The following LCP1 variants were observed in gnomAD, a reference collection of about 807,000 sequenced individuals.
LCP1 encodes the protein plastin-2.
LCP1 carries 23 observed loss-of-function variants against 72.0 expected under a neutral mutation model. That is an observed-to-expected ratio of 0.32 (90% CI 0.23 to 0.45). The LOEUF is 0.45. Ranked by LOEUF, LCP1 falls within the 20% of genes least tolerant of loss-of-function variation. The pLI, the probability that LCP1 is intolerant of heterozygous loss-of-function variation, is 1.00. For synonymous variants in LCP1, 245 were observed against 275.4 expected (o/e 0.89, Z 1.09); for missense variants, 571 against 748.3 (o/e 0.76, Z 2.76).
chr13:46,176,620 C>A (rs1381009936), intron 1 of LCP1, among the ~76,000 whole-genome samples: 1 of 152,098 alleles, frequency 6.6e-6, no homozygotes, highest in African/African-American at 2.4e-5. Context: ...ACTGAGGAAA[C>A]AAAATGCAGG....
At chr13:46,153,422 C>T (rs867688012) in intron 6 of LCP1, among the ~76,000 whole-genome samples, 4 of 152,274 alleles carry the variant, frequency 2.6e-5, no homozygotes, top group Non-Finnish European at 5.9e-5. Flanking sequence ...AATGAAAAGG[C>T]TGGCACGGTG....
intron 1 of LCP1, among the ~76,000 whole-genome samples, chr13:46,180,297 C>A (rs1034450427): frequency 6.6e-6 from 1 of 152,148 alleles, no homozygotes; most frequent in African/African-American, 2.4e-5. Context: ...ACTACGTGCT[C>A]ATAATTATTG....
intron 13 of LCP1, among the ~76,000 whole-genome samples, chr13:46,136,520 T>C (rs1035467434): frequency 6.6e-6 from 1 of 151,948 alleles, no homozygotes; most frequent in Non-Finnish European, 1.5e-5. Flanking sequence ...AAGAAAGATG[T>C]TTAGTCTGGT....
At chr13:46,177,642 T>A (rs1318298840) in intron 1 of LCP1, among the ~76,000 whole-genome samples, 2 of 152,054 alleles carry the variant, frequency 1.3e-5, no homozygotes, top group African/African-American at 4.8e-5. Flanking sequence ...GAGGTTTCAG[T>A]GAGCCGAGAT....
chr13:46,167,863 A>T (rs376232037), intron 1 of LCP1, among the ~76,000 whole-genome samples: 1 of 152,236 alleles, frequency 6.6e-6, no homozygotes, highest in African/African-American at 2.4e-5. Flanking sequence ...AATGCAGCAC[A>T]TGGATTACAG....
At chr13:46,163,669 A>G (rs1335824901) in intron 1 of LCP1, among the ~76,000 whole-genome samples, 1 of 151,662 alleles carries the variant, frequency 6.6e-6, no homozygotes, top group Non-Finnish European at 1.5e-5. Context: ...GTTATTAAGT[A>G]TATGGACTAT....
intron 15 of LCP1, among the ~76,000 whole-genome samples, chr13:46,128,187 A>G (rs2138210558): frequency 6.6e-6 from 1 of 152,282 alleles, no homozygotes; most frequent in Middle Eastern, 3.4e-3. Flanking sequence ...TGGGCTACAT[A>G]GCAGCATAGC....
intron 1 of LCP1, among the ~76,000 whole-genome samples, chr13:46,178,180 T>C (rs1427284705): frequency 6.6e-6 from 1 of 152,198 alleles, no homozygotes; most frequent in African/African-American, 2.4e-5. Flanking sequence ...GACAACTAAA[T>C]GCTTTCATAG....
chr13:46,154,714 G>A, intron 6 of LCP1, 91 bp downstream of exon 6: 4 of 1,029,878 alleles, frequency 3.9e-6, no homozygotes, highest in South Asian at 2.6e-5. Context: ...TGCGAATGAT[G>A]TCTGAGCCCC....
chr13:46,168,696 C>A (rs987956629), intron 1 of LCP1, among the ~76,000 whole-genome samples: 1 of 152,204 alleles, frequency 6.6e-6, no homozygotes, highest in African/African-American at 2.4e-5. Flanking sequence ...GAAAGAGAGT[C>A]ATCTACTATT....
At chr13:46,167,772 G>A (rs2045884617) in intron 1 of LCP1, among the ~76,000 whole-genome samples, 2 of 152,174 alleles carry the variant, frequency 1.3e-5, no homozygotes, top group Non-Finnish European at 2.9e-5. Flanking sequence ...ATATGTGTCT[G>A]TATGCAAAGT....
At chr13:46,180,574 CA>C (rs2138293749) in intron 1 of LCP1, among the ~76,000 whole-genome samples, 1 of 152,358 alleles carries the variant, frequency 6.6e-6, no homozygotes. Flanking sequence ...CCCACCACAG[CA>C]GTGCTTGTTC....
chr13:46,156,615 T>C, intron 4 of LCP1, 45 bp from the exon 5 acceptor site: 1 of 1,608,466 alleles, frequency 6.2e-7, no homozygotes, highest in Non-Finnish European at 8.5e-7. Context: ...AGTGAAACTC[T>C]ATTATAAACA....
chr13:46,162,031 G>A (rs991850322), intron 1 of LCP1, among the ~76,000 whole-genome samples: 5 of 152,078 alleles, frequency 3.3e-5, no homozygotes, highest in African/African-American at 1.2e-4. Context: ...GATGGCATAG[G>A]TATGTATATT....
chr13:46,179,417 AG>A (rs2045946400), intron 1 of LCP1, among the ~76,000 whole-genome samples: 1 of 152,242 alleles, frequency 6.6e-6, no homozygotes, highest in South Asian at 2.1e-4. Flanking sequence ...AAATGCCTTT[AG>A]TATCTACATG....
At chr13:46,142,612 C>T in intron 12 of LCP1, 187 bp from the exon 13 acceptor site, 1 of 629,490 alleles carries the variant, frequency 1.6e-6, no homozygotes, top group Non-Finnish European at 2.7e-6. Context: ...CTTAGAACCC[C>T]TCACTTTCAT....
intron 1 of LCP1, 42 bp from the exon 2 acceptor site, chr13:46,159,728 G>T (rs1338242977): frequency 2.5e-6 from 3 of 1,215,476 alleles, no homozygotes; most frequent in Admixed American, 1.9e-5. Flanking sequence ...TTGTGCATTT[G>T]AATTCTTAAA....
intron 4 of LCP1, among the ~76,000 whole-genome samples, chr13:46,157,188 T>C (rs988352354): frequency 6.6e-6 from 1 of 151,408 alleles, no homozygotes; most frequent in African/African-American, 2.4e-5. Context: ...AGCAAATATA[T>C]ACATATGTTT....
At position 46,159,600 on chromosome 13, in the gene LCP1, A is replaced by G. The variant is rs750114287; in HGVS notation, c.63T>C (p.Val21=). The G allele has an allele frequency of 6.2e-7, 1 of 1,613,802 alleles. No individual in the cohort carries two copies. Among genetic ancestry groups the G allele is most frequent in the African/African-American group, 1.3e-5 (1 of 74,932 alleles). The part of the protein sequence containing the change: ...MMELREAFAK[V]DTDGNGYISF... Reference sequence around the variant, plus strand: ...ATTTGGGGTACCAGGTCTACTCACCAACTTTGGCAAAAGCTTCTCTGAGCT... The same window carrying G: ...ATTTGGGGTACCAGGTCTACTCACCGACTTTGGCAAAAGCTTCTCTGAGCT... Residue 21 remains valine (V), a splice_region_variant and synonymous_variant, in exon 2 of 16, where the codon GTT becomes GTC. Transcript: ENST00000323076.
Sources: allele counts gnomAD v4.1 joint callset (sites outside exome capture counted in the v4.1 genomes callset), GRCh38; gene constraint gnomAD v4.1.1; transcripts MANE v1.5; gene names NCBI Gene and HGNC (gene_info 2026-07-23, HGNC 2026-07-21).